Variants in PTAR1 observed in about 807,000 individuals in gnomAD.
The protein encoded by PTAR1 is protein prenyltransferase alpha subunit repeat-containing protein 1.
In PTAR1, 17 loss-of-function variants were observed where a neutral mutation model predicts 45.5. The ratio of observed to expected loss-of-function variants is 0.37; its 90% CI spans 0.26 to 0.56. The LOEUF (loss-of-function observed/expected upper bound fraction) is 0.56, where lower values mean the gene tolerates loss of function less well. Ranked by LOEUF, PTAR1 falls within the 20% of genes least tolerant of loss-of-function variation. The pLI is 0.77. For missense variants in PTAR1, 391 were observed against 476.3 expected, an observed-to-expected ratio of 0.82 and a Z score of 1.67; for synonymous variants, 169 against 171.3, an observed-to-expected ratio of 0.99 and a Z score of 0.11.
rs1824657316 is a variant in PTAR1 at position 69,714,646 on chromosome 9, C to A, written c.*3696G>T. The stretch of plus-strand genomic sequence containing the variant: ...CATAAAAATCCAAAAACTTTTGTTT[C>A]CGTATCTTGTATCACATAAGCCCTT... On this transcript the variant is annotated 3_prime_UTR_variant, in exon 8 of 8. Transcript: ENST00000340434. The A allele has an allele frequency of 6.6e-6, 1 of 152,024 alleles. No homozygotes were observed. Among genetic ancestry groups the A allele is most frequent in the Admixed American group, 6.6e-5 (1 of 15,226 alleles). The allele number at this position is 152,024 out of a possible 1,614,324, so 9.4% of individuals were successfully genotyped here. A position where few individuals can be genotyped will look rare whatever the true frequency, so the allele number is the denominator to read the frequency against.
Position 69,718,585 on chromosome 9 carries a change from GTCAC to G in PTAR1, c.983-21_983-18del, listed in dbSNP as rs867639109. The stretch of plus-strand genomic sequence containing the variant: ...GGGAGCCTGCTGGGATAAGGTGCAA[GTCAC>G]TCAAAGTCCCCCCAGGGCTGTCTGC... On this transcript the variant is annotated intron_variant, in intron 7 of 7. Coordinates refer to ENST00000340434, the MANE Select transcript of PTAR1 (RefSeq NM_001099666.2). 1 of 1,613,616 alleles carries G rather than the reference GTCAC, an allele frequency of 6.2e-7. No homozygotes were observed. The highest frequency in any genetic ancestry group is 8.5e-7 in the Non-Finnish European group (1 of 1,179,656).
chr9:69,759,440 C>G (rs60559510), intron 1 of PTAR1, among the ~76,000 whole-genome samples: 4 of 152,060 alleles, frequency 2.6e-5, no homozygotes, highest in Non-Finnish European at 5.9e-5. Flanking sequence ...TCGGTTACCC[C>G]CTCTTGCCAA....
intron 1 of PTAR1, among the ~76,000 whole-genome samples, chr9:69,759,001 T>C (rs986162963): frequency 2.0e-5 from 3 of 150,334 alleles, no homozygotes; most frequent in Admixed American, 1.3e-4. Flanking sequence ...CTTTGTATAA[T>C]GTAGATCTCT....
intron 1 of PTAR1, among the ~76,000 whole-genome samples, chr9:69,751,695 A>C (rs1826541858): frequency 6.6e-6 from 1 of 152,068 alleles, no homozygotes; most frequent in Non-Finnish European, 1.5e-5. Flanking sequence ...CCAGAAACAA[A>C]GTATCAAAAA....
intron 3 of PTAR1, among the ~76,000 whole-genome samples, chr9:69,735,213 T>C (rs761201995): frequency 6.6e-6 from 1 of 152,206 alleles, no homozygotes. Context: ...AAAGCTTCAA[T>C]GCAATCAGTT....
intron 5 of PTAR1, among the ~76,000 whole-genome samples, chr9:69,725,799 T>C (rs1454131040): frequency 1.3e-5 from 2 of 152,008 alleles, no homozygotes; most frequent in Admixed American, 6.6e-5. Context: ...AAGACAGCAA[T>C]TACTTTTAAG....
chr9:69,756,779 A>C (rs1349709792), intron 1 of PTAR1, among the ~76,000 whole-genome samples: 1 of 152,162 alleles, frequency 6.6e-6, no homozygotes, highest in East Asian at 1.9e-4. Context: ...TCATGCTCCT[A>C]TCCAACTTTT....
intron 2 of PTAR1, among the ~76,000 whole-genome samples, chr9:69,743,905 G>A (rs1452049932): frequency 1.3e-5 from 2 of 152,064 alleles, no homozygotes; most frequent in African/African-American, 2.4e-5. Context: ...ACCACATTTT[G>A]GGGCCCACCA....
intron 2 of PTAR1, among the ~76,000 whole-genome samples, chr9:69,747,539 C>T (rs1483623904): frequency 2.0e-5 from 3 of 152,088 alleles, no homozygotes; most frequent in Admixed American, 2.0e-4. Flanking sequence ...TTCAAATGAA[C>T]CTCAAAAAAG....
chr9:69,731,588 C>T (rs1825539579), intron 5 of PTAR1, among the ~76,000 whole-genome samples: 1 of 152,146 alleles, frequency 6.6e-6, no homozygotes, highest in African/African-American at 2.4e-5. Flanking sequence ...ATTCAAATAA[C>T]CCTGAGTCAG....
chr9:69,748,970 G>A (rs995638226), intron 2 of PTAR1, among the ~76,000 whole-genome samples: 18 of 152,086 alleles, frequency 1.2e-4, no homozygotes, highest in African/African-American at 4.3e-4. Context: ...GGGGATGTAG[G>A]TTAGGATCAA....
At chr9:69,721,215 G>A (rs535578228) in intron 6 of PTAR1, among the ~76,000 whole-genome samples, 75 of 152,244 alleles carry the variant, frequency 4.9e-4, no homozygotes, top group Middle Eastern at 3.4e-3. Context: ...TTTGAGAGAA[G>A]GTGATTCCAA....
intron 1 of PTAR1, among the ~76,000 whole-genome samples, chr9:69,753,893 G>C (rs1826643316): frequency 6.6e-6 from 1 of 152,150 alleles, no homozygotes; most frequent in Non-Finnish European, 1.5e-5. Context: ...TTCCCTGCCT[G>C]TTATGGAAAC....
rs1223899217 is a variant in PTAR1, at chr9:69,710,776, T to G, written c.*7566A>C. The G allele has an allele frequency of 1.3e-5, 2 of 152,172 alleles. No individual in the cohort carries two copies. Among genetic ancestry groups the G allele is most frequent in the African/African-American group, 2.4e-5 (1 of 41,448 alleles). The allele number at this position is 152,172 out of a possible 1,614,324, so 9.4% of individuals were successfully genotyped here. ...CCATTAGTCTCTTCAGTAAAATAGT[T>G]AGCCAAACTTATCTTTAATGGCCAA... On this transcript the variant is annotated 3_prime_UTR_variant, in exon 8 of 8. Transcript: ENST00000340434.
chr9:69,734,568 G>A (rs543035707), intron 3 of PTAR1, among the ~76,000 whole-genome samples: 47 of 152,104 alleles, frequency 3.1e-4, no homozygotes, highest in African/African-American at 1.1e-3. Context: ...GGGGTTTTCT[G>A]GCCTATCTCA....
chr9:69,734,176 T>C lies in PTAR1; in HGVS notation c.402A>G (p.Pro134=). The C allele has an allele frequency of 6.3e-7, 1 of 1,590,284 alleles. No homozygotes were observed. The highest frequency in any genetic ancestry group is 8.6e-7 in the Non-Finnish European group (1 of 1,163,948). ...TGTGAATCCATGTTTCTGGACTCTT[T>C]GGAAACTTGGTTAAGGCGAGTTTTC... The part of the protein sequence containing the change: ...HLGKLALTKF[P]KSPETWIHRR... The change falls in exon 4 of 8, where the codon CCA becomes CCG. Residue 134 remains proline, a synonymous_variant. Coordinates refer to ENST00000340434, the MANE Select transcript of PTAR1 (RefSeq NM_001099666.2).
intron 1 of PTAR1, chr9:69,757,503 G>A (rs558425107): frequency 6.6e-6 from 1 of 152,296 alleles, no homozygotes; most frequent in East Asian, 1.9e-4. Context: ...AGAGGAAACT[G>A]AGGCTGAGAG....
rs1035081487 is a variant in PTAR1, at chr9:69,710,951, A to G, written c.*7391T>C. ...ATGGTTAATTTTAATGGCAGAATAT[A>G]GTAGCTGAGAACTTCTTTTAAATGA... On this transcript the variant is annotated 3_prime_UTR_variant, in exon 8 of 8. Transcript: ENST00000340434. 2 of 152,202 alleles carry G rather than the reference A, an allele frequency of 1.3e-5. No homozygotes were observed. Among genetic ancestry groups the G allele is most frequent in the Non-Finnish European group, 2.9e-5 (2 of 68,026 alleles). The allele number at this position is 152,202 out of a possible 1,614,324, so 9.4% of individuals were successfully genotyped here. A position where few individuals can be genotyped will look rare whatever the true frequency, so the allele number is the denominator to read the frequency against.
intron 3 of PTAR1, among the ~76,000 whole-genome samples, chr9:69,740,053 T>TA (rs954810625): frequency 6.6e-6 from 1 of 152,172 alleles, no homozygotes; most frequent in Admixed American, 6.5e-5. Flanking sequence ...TCTTGATAAT[T>TA]AAAAGTTATA....
Sources: gnomAD v4.1 joint callset for allele counts (sites outside exome capture counted in the v4.1 genomes callset) on GRCh38, gnomAD v4.1.1 for gene constraint, MANE v1.5 for transcripts, NCBI Gene and HGNC (gene_info 2026-07-23, HGNC 2026-07-21) for gene names.